The following TRNAU1AP variants were observed in gnomAD, a reference collection of about 807,000 sequenced individuals.
TRNAU1AP encodes tRNA selenocysteine 1-associated protein 1.
TRNAU1AP carries 33 observed loss-of-function variants against 43.3 expected under a neutral mutation model. That is an observed-to-expected ratio of 0.76 (90% CI 0.58 to 1.02). The LOEUF is 1.02. Ranked by LOEUF, TRNAU1AP falls within the 50% of genes least tolerant of loss-of-function variation. TRNAU1AP has a pLI of 0.00. For missense variants in TRNAU1AP, 290 were observed against 362.7 expected, an observed-to-expected ratio of 0.80 and a Z score of 1.63; for synonymous variants, 143 against 129.1, an observed-to-expected ratio of 1.11 and a Z score of -0.73.
intron 6 of TRNAU1AP, among the ~76,000 whole-genome samples, chr1:28,569,823 A>G (rs919935133): frequency 7.5e-6 from 1 of 133,804 alleles, no homozygotes; most frequent in Non-Finnish European, 1.6e-5. Context: ...CGTCTCTACT[A>G]AAAATACCAA....
At chr1:28,566,272 G>A (rs1267539895) in intron 5 of TRNAU1AP, among the ~76,000 whole-genome samples, 3 of 148,714 alleles carry the variant, frequency 2.0e-5, no homozygotes, top group Non-Finnish European at 1.5e-5. Flanking sequence ...CCAAGATCGT[G>A]CCAGTGCATT....
chr1:28,568,586 C>T lies in TRNAU1AP; in HGVS notation c.530+1173C>T, dbSNP rs556838041. ...CATTGTGCCTGGCCAGATCTTTTAT[C>T]CTTTAGCCAAATTAATGATTTTCAA... is the stretch of plus-strand genomic sequence containing the variant. On this transcript the variant is annotated intron_variant, in intron 6 of 8. Transcript: ENST00000373830. Among the ~76,000 whole-genome samples the T allele has an allele frequency of 1.2e-4, 18 of 152,124 alleles. No individual in the cohort carries two copies. The South Asian group carries it at 3.5e-3, about 30-fold the overall frequency.
chr1:28,557,982 A>C (rs12093009), intron 2 of TRNAU1AP, among the ~76,000 whole-genome samples: 13,540 of 136,880 alleles, frequency 0.099, 1,342 homozygotes, highest in African/African-American at 0.27. Flanking sequence ...TGCAACCTCC[A>C]CCTCCCAAAT....
chr1:28,561,243 G>A, intron 3 of TRNAU1AP, 103 bp from the exon 4 acceptor site: 1 of 1,536,178 alleles, frequency 6.5e-7, no homozygotes, highest in Non-Finnish European at 8.7e-7. Flanking sequence ...TTAGAGAGGG[G>A]GAGATGTTTT....
intron 2 of TRNAU1AP, among the ~76,000 whole-genome samples, chr1:28,554,988 C>T (rs1462600680): frequency 6.6e-6 from 1 of 151,812 alleles, no homozygotes; most frequent in Admixed American, 6.6e-5. Flanking sequence ...CCTGTAATCC[C>T]AGCACTTCGG....
intron 2 of TRNAU1AP, 85 bp downstream of exon 2, chr1:28,553,822 A>G: frequency 8.5e-7 from 1 of 1,181,766 alleles, no homozygotes; most frequent in Non-Finnish European, 1.2e-6. Flanking sequence ...ATGGCTTCTC[A>G]CTACCCCTAG....
In TRNAU1AP at chr1:28,576,210, G is replaced by A. The variant is rs547961506; in HGVS notation, c.728-1290G>A. Among the ~76,000 whole-genome samples, 7 of 149,140 alleles carry A rather than the reference G, an allele frequency of 4.7e-5. No homozygotes were observed. In the South Asian group the frequency reaches 1.3e-3, roughly 27 times the overall value. ...ACTTTGTTGCCCAGACTTGAGATCA[G>A]TGATGTGAACATGCCTCACTGCAGC... On this transcript the variant is annotated intron_variant, in intron 8 of 8. Coordinates refer to ENST00000373830, the MANE Select transcript of TRNAU1AP (RefSeq NM_017846.5).
At chr1:28,565,267 G>A (rs996226262) in intron 5 of TRNAU1AP, 8 of 171,394 alleles carry the variant, frequency 4.7e-5, no homozygotes, top group Non-Finnish European at 7.4e-5. Context: ...GGTGGATTGC[G>A]TGAGCTTAGG....
chr1:28,567,200 C>T, intron 5 of TRNAU1AP, 94 bp from the exon 6 acceptor site: 1 of 1,385,728 alleles, frequency 7.2e-7, no homozygotes, highest in Non-Finnish European at 1.0e-6. Context: ...TTTCTACATT[C>T]CTGCCCACCT....
chr1:28,564,577 T>G (rs1570251756), intron 4 of TRNAU1AP, 126 bp from the exon 5 acceptor site: 5 of 1,173,484 alleles, frequency 4.3e-6, no homozygotes. Context: ...TAGGGGCTGG[T>G]TAAGTAGACC....
Position 28,578,477 on chromosome 1 carries a change from G to T in TRNAU1AP, c.*841G>T. ...GGCATGGTGGCTCACTTTGGGAGAT[G>T]GATTGCTTGAGCTCGGGAAGAGACC... On this transcript the variant is annotated 3_prime_UTR_variant, in exon 9 of 9. Transcript: ENST00000373830. 3.7e-6 allele frequency: 1 copy of T among 268,836 alleles called. No individual in the cohort carries two copies. The highest frequency in any genetic ancestry group is 2.2e-5 in the African/African-American group (1 of 44,478). The allele number at this position is 268,836 out of a possible 1,614,324, so 16.7% of individuals were successfully genotyped here.
At chr1:28,553,181 C>T in intron 1 of TRNAU1AP, 44 bp downstream of exon 1, 1 of 1,461,654 alleles carries the variant, frequency 6.8e-7, no homozygotes, top group Non-Finnish European at 9.1e-7. Context: ...AAGGAAGCAT[C>T]TCGGTTTCGC....
At chr1:28,558,317 C>T (rs144692867) in intron 2 of TRNAU1AP, among the ~76,000 whole-genome samples, 2 of 147,584 alleles carry the variant, frequency 1.4e-5, no homozygotes, top group Non-Finnish European at 3.0e-5. Flanking sequence ...CGGGTTCAAG[C>T]AATTCTTGTG....
intron 8 of TRNAU1AP, 125 bp downstream of exon 8, chr1:28,572,025 G>T: frequency 1.2e-6 from 1 of 856,586 alleles, no homozygotes; most frequent in South Asian, 1.4e-5. Context: ...ATTCTGGTTA[G>T]AGAGCCAGAC....
chr1:28,555,230 C>CAAA (rs760635096), intron 2 of TRNAU1AP, among the ~76,000 whole-genome samples: 2 of 122,374 alleles, frequency 1.6e-5, no homozygotes, highest in African/African-American at 2.8e-5. Context: ...AACTCCATCT[C>CAAA]AAAAAAAAAA....
At chr1:28,571,831 C>G (rs1420128053) in intron 7 of TRNAU1AP, 36 bp from the exon 8 acceptor site, 4 of 1,601,846 alleles carry the variant, frequency 2.5e-6, no homozygotes, top group Non-Finnish European at 2.6e-6. Flanking sequence ...CAGGATTTCA[C>G]CATGCCCCTA....
Position 28,571,201 on chromosome 1 carries a change from A to T in TRNAU1AP, c.556A>T (p.Ser186Cys). The T allele has an allele frequency of 1.2e-6, 2 of 1,614,126 alleles. No individual in the cohort carries two copies. Among genetic ancestry groups the T allele is most frequent in the Non-Finnish European group, 1.7e-6 (2 of 1,179,986 alleles). ...KASRVKPVEY[S>C]QMYSYSYNQY... is the part of the protein sequence containing the mutation. ...GAGCCGTGTAAAGCCAGTGGAATATAGTCAGATGTACAGTTATAGCTACAA... is the reference window on the plus strand; with the variant it reads ...GAGCCGTGTAAAGCCAGTGGAATATTGTCAGATGTACAGTTATAGCTACAA... Residue 186 changes from serine to cysteine, a missense_variant, in exon 7 of 9, where the codon AGT becomes TGT. Transcript: ENST00000373830.
At position 28,572,384 on chromosome 1, in the gene TRNAU1AP, CAG is replaced by C. The variant is rs1403801577; in HGVS notation, c.727+485_727+486del. Among the ~76,000 whole-genome samples the C allele has an allele frequency of 5.3e-5, 8 of 151,802 alleles. No homozygotes were observed. The East Asian group carries it at 1.6e-3, about 30-fold the overall frequency. On this transcript the variant is annotated intron_variant, in intron 8 of 8. Transcript: ENST00000373830. ...AATTATTTTGTATTTTTAGTAGAGA[CAG>C]GGTTTCTCCATGTTGGCTTGGCCGG...
chr1:28,561,532 G>A, intron 4 of TRNAU1AP, 134 bp downstream of exon 4: 2 of 993,464 alleles, frequency 2.0e-6, no homozygotes, highest in South Asian at 1.4e-5. Flanking sequence ...CTTCCTTGCT[G>A]GTGGACCTTC....
Sources: gnomAD v4.1 joint callset for allele counts (sites outside exome capture counted in the v4.1 genomes callset) on GRCh38, gnomAD v4.1.1 for gene constraint, MANE v1.5 for transcripts, NCBI Gene and HGNC (gene_info 2026-07-23, HGNC 2026-07-21) for gene names.